The following TRPS1 variants were observed in gnomAD, a reference collection of about 807,000 sequenced individuals.
TRPS1 encodes zinc finger transcription factor Trps1.
TRPS1 carries 6 observed loss-of-function variants against 101.2 expected under a neutral mutation model. That is an observed-to-expected ratio of 0.06 (90% CI 0.03 to 0.12). TRPS1 has a LOEUF of 0.12. Among genes scored for constraint, TRPS1 ranks in the 10% least tolerant of loss-of-function variants. TRPS1 has a pLI of 1.00. For synonymous variants in TRPS1, 578 were observed against 589.8 expected, an observed-to-expected ratio of 0.98 and a Z score of 0.29; for missense variants, 1,363 against 1,567.0, an observed-to-expected ratio of 0.87 and a Z score of 2.20.
intron 4 of TRPS1, 135 bp downstream of exon 4, chr8:115,603,738 T>G (rs976651135): frequency 8.7e-6 from 9 of 1,034,824 alleles, no homozygotes; most frequent in Admixed American, 2.4e-5. Context: ...TGATGAACTT[T>G]TATGTGGTCT....
chr8:115,454,230 G>A (rs535646842), intron 5 of TRPS1, among the ~76,000 whole-genome samples: 9 of 152,206 alleles, frequency 5.9e-5, no homozygotes, highest in East Asian at 1.9e-4. Context: ...ATTCAATACC[G>A]TATTTTGAGT....
Position 115,604,492 on chromosome 8 carries a change from C to G in TRPS1, c.1477G>C (p.Val493Leu), listed in dbSNP as rs1586449178. ...TTGGCTAGATCATTCTGATTAATGA[C>G]AGAGCCCCTGGAAAGCTTATCATTT... ...ELNDKLSRGS[V>L]INQNDLAKSS... is the part of the protein sequence containing the mutation. Residue 493 changes from valine (V) to leucine (L), a missense_variant, in exon 4 of 7, where the codon GTC becomes CTC. By Grantham distance (32) the Val-to-Leu change is conservative (BLOSUM62 1). Coordinates refer to ENST00000395715, the MANE Select transcript of TRPS1 (RefSeq NM_014112.5). This position sits in a 1 kb window ranked among gnomAD's most constrained non-coding sequence, Gnocchi z 4.1. The G allele has an allele frequency of 1.2e-6, 2 of 1,613,988 alleles. No homozygotes were observed. Among genetic ancestry groups the G allele is most frequent in the Non-Finnish European group, 1.7e-6 (2 of 1,180,004 alleles).
intron 5 of TRPS1, among the ~76,000 whole-genome samples, chr8:115,426,938 T>C (rs979833095): frequency 1.6e-4 from 25 of 152,132 alleles, no homozygotes; most frequent in African/African-American, 6.0e-4. Context: ...GAACACATTC[T>C]GGTCTCTAAG....
intron 5 of TRPS1, among the ~76,000 whole-genome samples, chr8:115,524,319 C>CTTTTTTTT (rs139406462): frequency 1.6e-4 from 11 of 70,710 alleles, no homozygotes; most frequent in African/African-American, 2.6e-4. Flanking sequence ...CTTCTTCTTC[C>CTTTTTTTT]TTTTTTTTTT....
Position 115,410,711 on chromosome 8 carries a change from G to A in TRPS1, c.*3312C>T, listed in dbSNP as rs1812768970. The A allele has an allele frequency of 6.6e-6, 1 of 152,494 alleles. No individual in the cohort carries two copies. The highest frequency in any genetic ancestry group is 2.1e-4 in the South Asian group (1 of 4,828). The allele number at this position is 152,494 out of a possible 1,614,324, so 9.4% of individuals were successfully genotyped here. ...ATGAGAGAAAGAGTGAGAAAAGGAA[G>A]AATGAGAACGCATGAGCTGGTCCTG... On this transcript the variant is annotated 3_prime_UTR_variant, in exon 7 of 7. Coordinates refer to ENST00000395715, the MANE Select transcript of TRPS1 (RefSeq NM_014112.5).
chr8:115,504,994 A>T (rs1439659404), intron 5 of TRPS1, among the ~76,000 whole-genome samples: 1 of 152,120 alleles, frequency 6.6e-6, no homozygotes, highest in African/African-American at 2.4e-5. Context: ...TCATATTCAT[A>T]TAGAGAACCA....
intron 5 of TRPS1, among the ~76,000 whole-genome samples, chr8:115,442,599 GTGTT>G (rs1370282508): frequency 1.3e-5 from 2 of 151,922 alleles, no homozygotes; most frequent in Non-Finnish European, 1.5e-5. Flanking sequence ...GTGCATGTGT[GTGTT>G]TGGGGGAAGG....
intron 5 of TRPS1, among the ~76,000 whole-genome samples, chr8:115,577,693 G>C (rs1469976840): frequency 6.6e-6 from 1 of 151,956 alleles, no homozygotes; most frequent in Non-Finnish European, 1.5e-5. Context: ...AGCATATTCT[G>C]ACATTCTGAC....
chr8:115,617,261 G>C lies in TRPS1; in HGVS notation c.966+1871C>G, dbSNP rs372476819. Among the ~76,000 whole-genome samples, 99 of 152,032 alleles carry C rather than the reference G, an allele frequency of 6.5e-4. 2 individuals carry two copies. Among genetic ancestry groups the C allele is most frequent in the African/African-American group, 2.2e-3 (92 of 41,452 alleles). On this transcript the variant is annotated intron_variant, in intron 3 of 6. Transcript: ENST00000395715. ...TTTCCTACCACTTTTTGTCTTCCTC[G>C]GTGTGTGCTGCAAGGATTTAGCAGA...
intron 5 of TRPS1, among the ~76,000 whole-genome samples, chr8:115,500,176 C>T (rs12548221): frequency 0.61 from 92,428 of 151,598 alleles, 28,604 homozygotes; most frequent in East Asian, 0.84. Context: ...ATTATAGGCA[C>T]GCAGCACCAC....
chr8:115,629,497 G>A (rs990908593), intron 1 of TRPS1, among the ~76,000 whole-genome samples: 1 of 151,870 alleles, frequency 6.6e-6, no homozygotes, highest in African/African-American at 2.4e-5. Context: ...GAGCTAAATA[G>A]ATTATACAGA....
intron 5 of TRPS1, among the ~76,000 whole-genome samples, chr8:115,576,706 G>C (rs1359865160): frequency 6.6e-6 from 1 of 152,126 alleles, no homozygotes; most frequent in Non-Finnish European, 1.5e-5. Flanking sequence ...ACCACAGCCA[G>C]AGTTAAATGT....
intron 1 of TRPS1, among the ~76,000 whole-genome samples, chr8:115,656,374 C>T (rs942670657): frequency 2.0e-5 from 3 of 152,080 alleles, no homozygotes; most frequent in Non-Finnish European, 4.4e-5. Flanking sequence ...TTAAAGTCTC[C>T]ACTCTACATA....
intron 1 of TRPS1, among the ~76,000 whole-genome samples, chr8:115,629,118 GA>G (rs1167164379): frequency 2.6e-5 from 4 of 151,606 alleles, no homozygotes; most frequent in African/African-American, 9.7e-5. Flanking sequence ...AAATTTAACT[GA>G]GATTTTAAAG....
chr8:115,603,792 TC>T, intron 4 of TRPS1, 80 bp downstream of exon 4: 1 of 1,519,982 alleles, frequency 6.6e-7, no homozygotes, highest in East Asian at 2.4e-5. Context: ...TCTCAACAAT[TC>T]CCGGTTCAGC....
intron 1 of TRPS1, among the ~76,000 whole-genome samples, chr8:115,651,288 TA>T: frequency 6.6e-6 from 1 of 152,312 alleles, no homozygotes; most frequent in East Asian, 1.9e-4. Flanking sequence ...CATTAATCGA[TA>T]AAAGGCAGGA....
At chr8:115,494,588 T>C (rs946924679) in intron 5 of TRPS1, among the ~76,000 whole-genome samples, 2 of 152,226 alleles carry the variant, frequency 1.3e-5, no homozygotes, top group Non-Finnish European at 2.9e-5. Flanking sequence ...ATTTGTAGAA[T>C]TAGTTATTGG....
rs761918449 is a variant in TRPS1 at position 115,619,575 on chromosome 8, C to T, written c.523G>A (p.Glu175Lys). The T allele has an allele frequency of 9.6e-5, 155 of 1,614,196 alleles. 3 individuals are homozygous for T. The South Asian group carries it at 1.5e-3, about 16-fold the overall frequency. Residue 175 changes from glutamate to lysine, a missense_variant, in exon 3 of 7, where the codon GAG becomes AAG. This residue lies in a region of TRPS1 where 1,020 missense variants were observed against 1,073.0 expected (regional missense o/e 0.95). Transcript: ENST00000395715. Reference sequence around the variant, plus strand: ...CCACTCTGTGCTTGCCCTGTTTCCTCTGTAGCCTTTGGTGACATCTTCTGA... The same window carrying T: ...CCACTCTGTGCTTGCCCTGTTTCCTTTGTAGCCTTTGGTGACATCTTCTGA... ...EDQKMSPKAT[E>K]ETGQAQSGQA...
intron 3 of TRPS1, among the ~76,000 whole-genome samples, chr8:115,612,155 G>GA (rs11374989): frequency 1 from 151,005 of 151,062 alleles, 75,474 homozygotes; most frequent in Middle Eastern, 1. Flanking sequence ...GAAAAGAACA[G>GA]AAAAAGAGGC....
Sources: allele counts gnomAD v4.1 joint callset (sites outside exome capture counted in the v4.1 genomes callset), GRCh38; gene constraint gnomAD v4.1.1; regional missense constraint gnomAD v4.1.1; non-coding constraint Gnocchi (gnomAD v3.1); transcripts MANE v1.5; gene names NCBI Gene and HGNC (gene_info 2026-07-23, HGNC 2026-07-21).